Variants in MARCHF3 observed in about 807,000 individuals in gnomAD.
MARCHF3 encodes the protein E3 ubiquitin-protein ligase MARCHF3.
In MARCHF3, 13 loss-of-function variants were observed where a neutral mutation model predicts 24.2. That is an observed-to-expected ratio of 0.54 (90% CI 0.35 to 0.85). MARCHF3 has a LOEUF of 0.85. MARCHF3 is among the 40% of genes least tolerant of loss of function. MARCHF3 has a pLI of 0.01. For missense variants in MARCHF3, 276 were observed against 325.0 expected (o/e 0.85, Z 1.16); for synonymous variants, 144 against 137.3 (o/e 1.05, Z -0.34).
chr5:126,972,036 C>T (rs1007862416), intron 1 of MARCHF3, among the ~76,000 whole-genome samples: 2 of 152,092 alleles, frequency 1.3e-5, no homozygotes, highest in Non-Finnish European at 2.9e-5. Context: ...TGAGAAAAAA[C>T]TGCCAGACTC....
At chr5:126,981,141 T>C (rs900002977) in intron 1 of MARCHF3, among the ~76,000 whole-genome samples, 1 of 152,162 alleles carries the variant, frequency 6.6e-6, no homozygotes, top group African/African-American at 2.4e-5. Flanking sequence ...CCTCTTACAT[T>C]ACATATACTT....
chr5:126,881,514 C>CA (rs76952425), intron 3 of MARCHF3, among the ~76,000 whole-genome samples: 3,101 of 152,128 alleles, frequency 0.02, 74 homozygotes, highest in South Asian at 0.12. Flanking sequence ...ATATTCCTAG[C>CA]AATATGGAAT....
intron 1 of MARCHF3, among the ~76,000 whole-genome samples, chr5:126,974,346 TA>T (rs1277140247): frequency 6.6e-6 from 1 of 152,068 alleles, no homozygotes; most frequent in Non-Finnish European, 1.5e-5. Context: ...TAAGTGAGGG[TA>T]AAAAATCCTG....
intron 1 of MARCHF3, among the ~76,000 whole-genome samples, chr5:126,985,492 C>T (rs1274066096): frequency 3.5e-5 from 5 of 142,916 alleles, no homozygotes; most frequent in East Asian, 2.0e-4. Flanking sequence ...TTTTTTGAGA[C>T]GGAGTCTCAC....
intron 1 of MARCHF3, among the ~76,000 whole-genome samples, chr5:127,014,714 T>C (rs775399035): frequency 6.6e-5 from 10 of 152,134 alleles, no homozygotes; most frequent in Non-Finnish European, 1.3e-4. Context: ...AACAGAAAGC[T>C]AAACACCATA....
At position 126,926,037 on chromosome 5, in the gene MARCHF3, A is replaced by AT. The variant is rs1288128290; in HGVS notation, c.-56-7811dup. 1.1e-4 allele frequency among the ~76,000 whole-genome samples: 17 copies of AT among 152,114 alleles called. 1 individual carries two copies. Among genetic ancestry groups the AT allele is most frequent in the Admixed American group, 4.6e-4 (7 of 15,280 alleles). The stretch of plus-strand genomic sequence containing the variant: ...CCAATTTGTTTTTGGGCTCACACAC[A>AT]TTTTTTTTAAAAATCAGCATCCAAG... On this transcript the variant is annotated intron_variant, in intron 1 of 4. Transcript: ENST00000308660.
intron 1 of MARCHF3, among the ~76,000 whole-genome samples, chr5:126,979,293 C>T (rs1751308316): frequency 6.6e-6 from 1 of 152,190 alleles, no homozygotes; most frequent in Admixed American, 6.5e-5. Flanking sequence ...TAGCACAAAG[C>T]TTGGCAAACA....
At chr5:126,902,338 T>C (rs896082373) in intron 3 of MARCHF3, among the ~76,000 whole-genome samples, 4 of 152,138 alleles carry the variant, frequency 2.6e-5, no homozygotes, top group Admixed American at 1.3e-4. Context: ...ACATGTTATA[T>C]GAAGCAATTA....
intron 3 of MARCHF3, among the ~76,000 whole-genome samples, chr5:126,891,765 G>A (rs1253431301): frequency 9.7e-5 from 14 of 143,794 alleles, no homozygotes; most frequent in Non-Finnish European, 1.8e-4. Context: ...TTGACTTGGC[G>A]ACGCGGGCTC....
chr5:126,993,234 A>G (rs1437094631), intron 1 of MARCHF3, among the ~76,000 whole-genome samples: 1 of 152,196 alleles, frequency 6.6e-6, no homozygotes, highest in Non-Finnish European at 1.5e-5. Context: ...CTCCTGAGTT[A>G]GGGCTAAAGT....
chr5:126,931,810 G>T (rs1175430137), intron 1 of MARCHF3, among the ~76,000 whole-genome samples: 3 of 152,136 alleles, frequency 2.0e-5, no homozygotes, highest in African/African-American at 7.2e-5. Flanking sequence ...GAAATCACTA[G>T]CCTCACCAGT....
intron 1 of MARCHF3, among the ~76,000 whole-genome samples, chr5:126,981,245 T>G (rs1305963452): frequency 6.6e-6 from 1 of 152,202 alleles, no homozygotes. Context: ...GAAGAAAAGC[T>G]TCTCAGAATA....
At chr5:126,882,957 C>T (rs1236965147) in intron 3 of MARCHF3, among the ~76,000 whole-genome samples, 2 of 152,196 alleles carry the variant, frequency 1.3e-5, no homozygotes, top group East Asian at 3.8e-4. Context: ...GACTGTGCCC[C>T]TAACCATTCT....
rs1284295398 is a variant in MARCHF3, at chr5:126,922,517, TTTATTTATTTA to T, written c.-56-4301_-56-4291del. On this transcript the variant is annotated intron_variant, in intron 1 of 4. Transcript: ENST00000308660. ...GGCTACATCTCATTTCTGTCTTTTA[TTTATTTATTTA>T]TTTATTTATTTATTTATTTATTTAT... 5.3e-5 allele frequency among the ~76,000 whole-genome samples: 3 copies of T among 56,548 alleles called. No homozygotes were observed. In the East Asian group the frequency reaches 9.9e-4, roughly 19 times the overall value. 37.1% of individuals were successfully genotyped at this position (56,548 alleles called of 152,430 possible).
At chr5:126,995,064 A>C (rs1291401837) in intron 1 of MARCHF3, among the ~76,000 whole-genome samples, 1 of 152,208 alleles carries the variant, frequency 6.6e-6, no homozygotes, top group Non-Finnish European at 1.5e-5. Flanking sequence ...ACCCAGATTG[A>C]AGGTGGGTCG....
intron 3 of MARCHF3, among the ~76,000 whole-genome samples, chr5:126,890,154 G>C (rs1753633635): frequency 6.6e-6 from 1 of 152,114 alleles, no homozygotes. Context: ...TCTGAGCAGA[G>C]GGCAATGTTC....
chr5:126,877,117 T>C (rs1214238764), intron 4 of MARCHF3, among the ~76,000 whole-genome samples: 1 of 152,012 alleles, frequency 6.6e-6, no homozygotes, highest in Non-Finnish European at 1.5e-5. Context: ...ACACTCTCAC[T>C]GGAGGGGAGG....
chr5:126,880,230 A>C (rs769591027), intron 3 of MARCHF3, among the ~76,000 whole-genome samples: 4 of 152,172 alleles, frequency 2.6e-5, no homozygotes, highest in Non-Finnish European at 5.9e-5. Context: ...CCTTCCTCAA[A>C]TGTTTGCATG....
chr5:126,879,494 TAATCCCCAA>T (rs1458306265), intron 3 of MARCHF3, among the ~76,000 whole-genome samples: 1 of 152,188 alleles, frequency 6.6e-6, no homozygotes, highest in East Asian at 1.9e-4. Flanking sequence ...TTGACTGAAC[TAATCCCCAA>T]AAGGATGGGG....
Sources: gnomAD v4.1 joint callset for allele counts (sites outside exome capture counted in the v4.1 genomes callset) on GRCh38, gnomAD v4.1.1 for gene constraint, MANE v1.5 for transcripts, NCBI Gene and HGNC (gene_info 2026-07-23, HGNC 2026-07-21) for gene names.